Variants in ARHGEF17 observed in about 807,000 individuals in gnomAD.
ARHGEF17 encodes 164 kDa Rho-specific guanine-nucleotide exchange factor.
Under a neutral mutation model 174.0 loss-of-function variants are expected in ARHGEF17, and 80 were observed. The ratio of observed to expected loss-of-function variants is 0.46; its 90% CI spans 0.38 to 0.55. ARHGEF17 has a LOEUF of 0.55. Among genes scored for constraint, ARHGEF17 ranks in the 20% least tolerant of loss-of-function variants. The probability of loss-of-function intolerance (pLI) is 0.00; values close to 1 mark genes in which losing one functional copy is unlikely to be tolerated. For synonymous variants in ARHGEF17, 1,311 were observed against 1,189.1 expected (o/e 1.10, Z -2.11); for missense variants, 2,886 against 2,839.7 (o/e 1.02, Z -0.37).
chr11:73,360,340 G>A lies in ARHGEF17; in HGVS notation c.4227G>A (p.Arg1409=). ...FPHQSLDDAL[R]DLSAAMHRDL... ...CACAGAGCCTGGACGATGCACTGCG[G>A]GACCTCTCAGCTGCCATGCACCGGG... The change falls in exon 11 of 21, where the codon CGG becomes CGA. Residue 1409 remains arginine, a synonymous_variant. Coordinates refer to ENST00000263674, the MANE Select transcript of ARHGEF17 (RefSeq NM_014786.4). 6.2e-7 allele frequency: 1 copy of A among 1,613,736 alleles called. No homozygotes were observed. The highest frequency in any genetic ancestry group is 1.1e-5 in the South Asian group (1 of 91,080).
At chr11:73,363,117 C>T in intron 14 of ARHGEF17, 89 bp from the exon 15 acceptor site, 1 of 1,440,752 alleles carries the variant, frequency 6.9e-7, no homozygotes, top group Non-Finnish European at 9.2e-7. Context: ...TCCGGAGGGG[C>T]ATGGCCAGGA....
At chr11:73,338,754 G>A (rs918521158) in intron 1 of ARHGEF17, among the ~76,000 whole-genome samples, 2 of 152,032 alleles carry the variant, frequency 1.3e-5, no homozygotes, top group South Asian at 2.1e-4. Flanking sequence ...CCCCACTGGG[G>A]AGAGGGTGGG....
intron 1 of ARHGEF17, among the ~76,000 whole-genome samples, chr11:73,344,927 A>G (rs551725296): frequency 3.9e-4 from 59 of 152,266 alleles, no homozygotes; most frequent in African/African-American, 1.4e-3. Context: ...GTGATCTTGG[A>G]CAAGTCATGT....
At chr11:73,366,792 C>A (rs1865846856) in intron 20 of ARHGEF17, among the ~76,000 whole-genome samples, 1 of 152,112 alleles carries the variant, frequency 6.6e-6, no homozygotes, top group African/African-American at 2.4e-5. Flanking sequence ...GTAATCCCAG[C>A]ACTTTGAGAG....
chr11:73,364,299 T>C, intron 17 of ARHGEF17, 60 bp downstream of exon 17: 1 of 1,606,528 alleles, frequency 6.2e-7, no homozygotes. Flanking sequence ...TGGGGCTCTC[T>C]CCTGGAGATG....
At chr11:73,358,605 G>A (rs1480973601) in intron 9 of ARHGEF17, among the ~76,000 whole-genome samples, 2 of 151,068 alleles carry the variant, frequency 1.3e-5, no homozygotes, top group Admixed American at 1.3e-4. Context: ...CTACAGGTGC[G>A]CACCACTACG....
Position 73,352,789 on chromosome 11 carries a change from C to T in ARHGEF17, c.3271-41C>T, listed in dbSNP as rs748202605. The T allele has an allele frequency of 6.2e-6, 10 of 1,606,476 alleles. No individual in the cohort carries two copies. The South Asian group carries it at 1.1e-4, about 18-fold the overall frequency. ...CCCTGTGTAGGTGTGGTGGGGGCGG[C>T]ATCTCTGAGGGAGTGTGCACCGACC... On this transcript the variant is annotated intron_variant, in intron 2 of 20. Transcript: ENST00000263674.
At chr11:73,323,694 C>T (rs1161954829) in intron 1 of ARHGEF17, among the ~76,000 whole-genome samples, 3 of 152,254 alleles carry the variant, frequency 2.0e-5, no homozygotes, top group Non-Finnish European at 4.4e-5. Flanking sequence ...CCAGCGGGGG[C>T]GTTGCCTGGG....
Position 73,308,300 on chromosome 11 carries a change from C to T in ARHGEF17, c.-339C>T. ...CAAAAGGGTGCCAGGAGCGAGCAGC[C>T]AAGGGCGTTGGGCAGGCGGACGCAG... On this transcript the variant is annotated 5_prime_UTR_variant, in exon 1 of 21. Coordinates refer to ENST00000263674, the MANE Select transcript of ARHGEF17 (RefSeq NM_014786.4). 1 of 270,958 alleles carries T rather than the reference C, an allele frequency of 3.7e-6. No individual in the cohort carries two copies. Among genetic ancestry groups the T allele is most frequent in the Non-Finnish European group, 6.9e-6 (1 of 144,834 alleles). 16.8% of individuals were successfully genotyped at this position (270,958 alleles called of 1,614,324 possible).
chr11:73,347,334 G>A (rs1205807594), intron 2 of ARHGEF17: 2 of 331,198 alleles, frequency 6.0e-6, no homozygotes, highest in Non-Finnish European at 1.2e-5. Flanking sequence ...AGCACCTGCT[G>A]TGTGCAGGCC....
At chr11:73,314,155 C>T (rs912068747) in intron 1 of ARHGEF17, among the ~76,000 whole-genome samples, 1 of 152,242 alleles carries the variant, frequency 6.6e-6, no homozygotes, top group African/African-American at 2.4e-5. Flanking sequence ...CTGTCCACCC[C>T]CTCCTGGTGG....
chr11:73,333,377 C>T (rs577970273), intron 1 of ARHGEF17, among the ~76,000 whole-genome samples: 15 of 152,370 alleles, frequency 9.8e-5, no homozygotes, highest in African/African-American at 3.1e-4. Context: ...TGCACGCGCG[C>T]GCGCACTCAC....
chr11:73,339,682 T>C (rs1352719466), intron 1 of ARHGEF17, among the ~76,000 whole-genome samples: 1 of 152,112 alleles, frequency 6.6e-6, no homozygotes, highest in Non-Finnish European at 1.5e-5. Flanking sequence ...TGGGCAGAAG[T>C]AGGGAGGGTT....
chr11:73,311,913 T>G, intron 1 of ARHGEF17, 83 bp downstream of exon 1: 1 of 1,462,932 alleles, frequency 6.8e-7, no homozygotes, highest in Non-Finnish European at 9.1e-7. Context: ...TTGCATTGTA[T>G]TCACTGGTCA....
Position 73,365,055 on chromosome 11 carries a change from G to A in ARHGEF17, c.5551-335G>A. 1 of 363,174 alleles carries A rather than the reference G, an allele frequency of 2.8e-6. No individual in the cohort carries two copies. Among genetic ancestry groups the A allele is most frequent in the Non-Finnish European group, 5.1e-6 (1 of 197,286 alleles). The allele number at this position is 363,174 out of a possible 1,614,324, so 22.5% of individuals were successfully genotyped here. A position where few individuals can be genotyped will look rare whatever the true frequency, so the allele number is the denominator to read the frequency against. On this transcript the variant is annotated intron_variant, in intron 18 of 20. Transcript: ENST00000263674. The surrounding 1 kb of genome is among the most constrained non-coding windows in gnomAD (Gnocchi z 4.9). ...TCCAAAGCCCTGGGTTCAGGCCCCA[G>A]CTCTGTGACTGACTTGCTGTGTGAC...
In ARHGEF17 at chr11:73,310,135, C is replaced by A. The variant is rs1251082138; in HGVS notation, c.1497C>A (p.Ser499Arg). The A allele has an allele frequency of 6.2e-7, 1 of 1,614,070 alleles. No individual in the cohort carries two copies. The highest frequency in any genetic ancestry group is 1.1e-5 in the South Asian group (1 of 91,090). The change falls in exon 1 of 21, where the codon AGC becomes AGA. Residue 499 changes from serine to arginine, a missense_variant. Ser to Arg is a moderately radical substitution (Grantham distance 110). Around this residue, in one of 4 missense-constraint regions of ARHGEF17, gnomAD observed 1,728 missense variants for 1,461.2 expected, o/e 1.18. Transcript: ENST00000263674. Reference protein sequence around the residue: ...KPGGSSGDRGSNPLDGRDSPS... With the variant: ...KPGGSSGDRGRNPLDGRDSPS... ...GTGGGAGCTCCGGGGACCGTGGAAG[C>A]AACCCCCTAGATGGCAGAGACTCAC... is the stretch of plus-strand genomic sequence containing the variant.
intron 6 of ARHGEF17, 91 bp downstream of exon 6, chr11:73,356,442 C>T (rs1865642952): frequency 2.2e-6 from 3 of 1,357,508 alleles, no homozygotes; most frequent in Non-Finnish European, 2.9e-6. Context: ...CACCTGGAAT[C>T]GTGGCTGTGT....
Position 73,310,790 on chromosome 11 carries a change from G to C in ARHGEF17, c.2152G>C (p.Gly718Arg). Reference protein sequence around the residue: ...RRRKVPPSGSGGSELSNGEAG... With the variant: ...RRRKVPPSGSRGSELSNGEAG... The stretch of plus-strand genomic sequence containing the variant: ...ACGCAAAGTCCCACCTTCAGGTTCT[G>C]GTGGGAGCGAATTGAGCAATGGGGA... Residue 718 changes from glycine (G) to arginine (R), a missense_variant, in exon 1 of 21, where the codon GGT becomes CGT. By Grantham distance (125) the Gly-to-Arg change is moderately radical (BLOSUM62 -2). Around this residue, in one of 4 missense-constraint regions of ARHGEF17, gnomAD observed 1,728 missense variants for 1,461.2 expected, o/e 1.18. Transcript: ENST00000263674. 3 of 1,612,296 alleles carry C rather than the reference G, an allele frequency of 1.9e-6. No individual in the cohort carries two copies. The highest frequency in any genetic ancestry group is 2.5e-6 in the Non-Finnish European group (3 of 1,179,598).
chr11:73,365,958 G>T lies in ARHGEF17; in HGVS notation c.5995+11G>T. On this transcript the variant is annotated intron_variant, in intron 20 of 20. Coordinates refer to ENST00000263674, the MANE Select transcript of ARHGEF17 (RefSeq NM_014786.4). This position sits in a 1 kb window ranked among gnomAD's most constrained non-coding sequence, Gnocchi z 4.9. ...CTCCCCCAGACACAGGTGGGTCAGTGCATCATACCCCAAGCTAGGGATCAT... is the reference window on the plus strand; with the variant it reads ...CTCCCCCAGACACAGGTGGGTCAGTTCATCATACCCCAAGCTAGGGATCAT... 3 of 1,594,656 alleles carry T rather than the reference G, an allele frequency of 1.9e-6. No homozygotes were observed. Among genetic ancestry groups the T allele is most frequent in the Non-Finnish European group, 2.6e-6 (3 of 1,174,586 alleles).
Sources: gnomAD v4.1 joint callset for allele counts (sites outside exome capture counted in the v4.1 genomes callset) on GRCh38, gnomAD v4.1.1 for gene constraint, gnomAD v4.1.1 regional missense constraint, Gnocchi (gnomAD v3.1) non-coding constraint, MANE v1.5 for transcripts, NCBI Gene and HGNC (gene_info 2026-07-23, HGNC 2026-07-21) for gene names.